Variants in FER1L6 observed in about 807,000 individuals in gnomAD.
FER1L6 encodes the protein fer-1-like protein 6.
FER1L6 carries 177 observed loss-of-function variants against 219.2 expected under a neutral mutation model. That is an observed-to-expected ratio of 0.81 (90% CI 0.71 to 0.91). The LOEUF is 0.91. FER1L6 is among the 40% of genes least tolerant of loss of function. The pLI is 0.00. For missense variants in FER1L6, 2,153 were observed against 2,259.9 expected (o/e 0.95, Z 0.96); for synonymous variants, 768 against 824.3 (o/e 0.93, Z 1.17).
At chr8:123,885,307 C>T (rs1327668871) in intron 1 of FER1L6, among the ~76,000 whole-genome samples, 2 of 152,178 alleles carry the variant, frequency 1.3e-5, no homozygotes, top group African/African-American at 4.8e-5. Context: ...AATGGTCTAC[C>T]TGTCTTCTTG....
At chr8:123,949,526 C>T (rs551807513) in intron 1 of FER1L6, among the ~76,000 whole-genome samples, 27 of 152,246 alleles carry the variant, frequency 1.8e-4, no homozygotes, top group South Asian at 1.2e-3. Flanking sequence ...GAGAAAGAAA[C>T]CCAGACATCA....
Position 123,857,594 on chromosome 8 carries a change from A to G in FER1L6, c.-8+5409A>G, listed in dbSNP as rs139441295. On this transcript the variant is annotated intron_variant, in intron 1 of 40. Transcript: ENST00000522917. ...TTCCTTCCCTCCCAGTTCAGTACTA[A>G]CCTGTTAGGAATGCTCTACTCTTTC... Among the ~76,000 whole-genome samples, 305 of 152,210 alleles carry G rather than the reference A, an allele frequency of 2.0e-3. 1 individual carries two copies. Among genetic ancestry groups the G allele is most frequent in the African/African-American group, 7.0e-3 (291 of 41,544 alleles).
At chr8:123,924,233 CAAAAAAAAA>C (rs71289625) in intron 1 of FER1L6, among the ~76,000 whole-genome samples, 28 of 66,960 alleles carry the variant, frequency 4.2e-4, no homozygotes, top group Non-Finnish European at 7.2e-4. Flanking sequence ...GACTCAGTAT[CAAAAAAAAA>C]AAAAAAAAAA....
chr8:124,071,018 G>A (rs1321640621), intron 30 of FER1L6, among the ~76,000 whole-genome samples: 1 of 152,088 alleles, frequency 6.6e-6, no homozygotes, highest in African/African-American at 2.4e-5. Flanking sequence ...CTACAAGCTG[G>A]GCCCTTTCTA....
intron 1 of FER1L6, among the ~76,000 whole-genome samples, chr8:123,902,635 G>A (rs542410253): frequency 6.6e-5 from 10 of 152,158 alleles, no homozygotes; most frequent in South Asian, 6.2e-4. Context: ...ACCCCTGCTC[G>A]CTTTTGGTGT....
chr8:123,973,385 C>T lies in FER1L6; in HGVS notation c.448-49C>T, dbSNP rs1563717614. 4.0e-6 allele frequency: 6 copies of T among 1,485,298 alleles called. No individual in the cohort carries two copies. In the South Asian group the frequency reaches 6.8e-5, roughly 17 times the overall value. The allele number at this position is 1,485,298 out of a possible 1,614,324, so 92.0% of individuals were successfully genotyped here. A position where few individuals can be genotyped will look rare whatever the true frequency, so the allele number is the denominator to read the frequency against. ...CAAAGCTAGACAAGGGTCAAGGCCT[C>T]TTATCCTCAAGGTAAATCTGCCATA... On this transcript the variant is annotated intron_variant, in intron 6 of 40. Coordinates refer to ENST00000522917, the MANE Select transcript of FER1L6 (RefSeq NM_001039112.2).
intron 25 of FER1L6, 98 bp downstream of exon 25, chr8:124,062,130 C>A: frequency 7.6e-7 from 1 of 1,308,594 alleles, no homozygotes; most frequent in African/African-American, 1.5e-5. Flanking sequence ...TGCCCCACAG[C>A]CAAGTGGCTG....
intron 1 of FER1L6, among the ~76,000 whole-genome samples, chr8:123,903,297 T>TTGTAATACCACACCA (rs1396325451): frequency 6.6e-6 from 1 of 152,232 alleles, no homozygotes; most frequent in Non-Finnish European, 1.5e-5. Flanking sequence ...CAACATTCTG[T>TTGTAATACCACACCA]TTTTAGTAGT....
At chr8:124,046,107 C>A in intron 21 of FER1L6, 1 of 508,604 alleles carries the variant, frequency 2.0e-6, no homozygotes, top group Non-Finnish European at 3.4e-6. Flanking sequence ...AAGAGTTTTT[C>A]ACTGACTTCC....
chr8:124,090,843 G>A (rs189062242), intron 33 of FER1L6, among the ~76,000 whole-genome samples: 38 of 152,204 alleles, frequency 2.5e-4, no homozygotes, highest in African/African-American at 8.4e-4. Flanking sequence ...TTTTGGTGGG[G>A]TGGTGGGGTA....
At chr8:123,964,647 G>A (rs1273826176) in intron 3 of FER1L6, among the ~76,000 whole-genome samples, 1 of 152,102 alleles carries the variant, frequency 6.6e-6, no homozygotes, top group Non-Finnish European at 1.5e-5. Flanking sequence ...CATTTTACAA[G>A]GGTGATAGCA....
Position 124,003,202 on chromosome 8 carries a change from C to T in FER1L6, c.1555C>T (p.His519Tyr). The part of the protein sequence containing the change: ...FGNLIDGGSH[H>Y]GSKKSAESAE... ...AAACCTGATTGATGGAGGATCCCAT[C>T]ATGGGAGTAAGAAGTCAGCTGAATC... is the stretch of plus-strand genomic sequence containing the variant. Residue 519 changes from histidine (H) to tyrosine (Y), a missense_variant, in exon 13 of 41, where the codon CAT (histidine) becomes TAT (tyrosine). His to Tyr is a moderately conservative substitution (Grantham distance 83, BLOSUM62 2). Transcript: ENST00000522917. 1 of 1,614,080 alleles carries T rather than the reference C, an allele frequency of 6.2e-7. No homozygotes were observed. Among genetic ancestry groups the T allele is most frequent in the Non-Finnish European group, 8.5e-7 (1 of 1,179,982 alleles).
chr8:124,022,756 T>C (rs750366967), intron 17 of FER1L6, among the ~76,000 whole-genome samples: 4 of 152,116 alleles, frequency 2.6e-5, no homozygotes, highest in Non-Finnish European at 5.9e-5. Context: ...TAAAACTAAA[T>C]CATTATTACA....
chr8:124,026,780 T>A (rs1457259650), intron 18 of FER1L6, among the ~76,000 whole-genome samples: 1 of 151,280 alleles, frequency 6.6e-6, no homozygotes, highest in Non-Finnish European at 1.5e-5. Flanking sequence ...GGGATAATGG[T>A]TTAAAGCATG....
At chr8:123,932,367 C>T (rs1270369380) in intron 1 of FER1L6, among the ~76,000 whole-genome samples, 2 of 152,260 alleles carry the variant, frequency 1.3e-5, no homozygotes, top group East Asian at 3.9e-4. Flanking sequence ...ACTCAGCCTC[C>T]CAAAGTGCTG....
intron 13 of FER1L6, among the ~76,000 whole-genome samples, chr8:124,009,270 T>G (rs1031389779): frequency 1.2e-4 from 18 of 152,320 alleles, no homozygotes; most frequent in African/African-American, 4.3e-4. Context: ...TAAAAACAAA[T>G]TAAGTACTTT....
chr8:123,896,054 T>C (rs1312429284), intron 1 of FER1L6, among the ~76,000 whole-genome samples: 1 of 152,122 alleles, frequency 6.6e-6, no homozygotes, highest in Non-Finnish European at 1.5e-5. Context: ...AGAGGGCTTG[T>C]TCTGGAGGCA....
chr8:123,959,682 A>G (rs1333628216), intron 2 of FER1L6, among the ~76,000 whole-genome samples: 1 of 152,158 alleles, frequency 6.6e-6, no homozygotes, highest in Non-Finnish European at 1.5e-5. Flanking sequence ...CAAAGCTGGA[A>G]GGTACCTTAG....
chr8:123,925,344 G>C (rs1212106237), intron 1 of FER1L6, among the ~76,000 whole-genome samples: 4 of 152,198 alleles, frequency 2.6e-5, no homozygotes, highest in African/African-American at 9.7e-5. Flanking sequence ...CACATTCCAA[G>C]TAGCAGGATA....
Sources: gnomAD v4.1 joint callset for allele counts (sites outside exome capture counted in the v4.1 genomes callset) on GRCh38, gnomAD v4.1.1 for gene constraint, MANE v1.5 for transcripts, NCBI Gene and HGNC (gene_info 2026-07-23, HGNC 2026-07-21) for gene names.